Variants in PCDHGB2 observed in about 807,000 individuals in gnomAD.
PCDHGB2 encodes the protein protocadherin gamma subfamily B, 2.
Under a neutral mutation model 59.3 loss-of-function variants are expected in PCDHGB2, and 55 were observed. The ratio of observed to expected loss-of-function variants is 0.93; its 90% CI spans 0.75 to 1.16. The LOEUF is 1.16. Ranked by LOEUF, PCDHGB2 falls within the 50% of genes most tolerant of loss-of-function variation. PCDHGB2 has a pLI of 0.00. For synonymous variants in PCDHGB2, 516 were observed against 512.0 expected (o/e 1.01, Z -0.11); for missense variants, 1,228 against 1,198.5 (o/e 1.02, Z -0.36).
chr5:141,409,171 C>G, intron 1 of PCDHGB2: 1 of 1,613,962 alleles, frequency 6.2e-7, no homozygotes, highest in South Asian at 1.1e-5. Flanking sequence ...AAGCGAAGGA[C>G]GGAGGTGGTC....
intron 1 of PCDHGB2, chr5:141,427,653 G>A (rs1221862562): frequency 4.1e-6 from 3 of 725,570 alleles, no homozygotes; most frequent in Non-Finnish European, 4.9e-6. Flanking sequence ...CTCCTACGTG[G>A]TCCACGTGGC....
chr5:141,360,226 G>C lies in PCDHGB2; in HGVS notation c.91G>C (p.Val31Leu). 6.2e-7 allele frequency: 1 copy of C among 1,613,764 alleles called. No individual in the cohort carries two copies. Among genetic ancestry groups the C allele is most frequent in the Non-Finnish European group, 8.5e-7 (1 of 1,179,778 alleles). The change falls in exon 1 of 4, where the codon GTC (valine) becomes CTC (leucine). Residue 31 changes from valine to leucine, a missense_variant. Physicochemically the swap from Val to Leu is conservative, Grantham distance 32. Around this residue, in one of 3 missense-constraint regions of PCDHGB2, gnomAD observed 781 missense variants for 721.6 expected, o/e 1.08. Coordinates refer to ENST00000522605, the MANE Select transcript of PCDHGB2 (RefSeq NM_018923.3). ...GTCTTTGTTCCCCGGGGCTCTCCCA[G>C]TCCAGATCCGCTATTCAATTCCAGA... ...LLSLFPGALP[V>L]QIRYSIPEEL...
intron 1 of PCDHGB2, chr5:141,423,848 G>A: frequency 1.6e-6 from 2 of 1,277,462 alleles, no homozygotes; most frequent in Non-Finnish European, 2.0e-6. Flanking sequence ...TAATCTTTCA[G>A]AACGTTTTTG....
At position 141,362,384 on chromosome 5, in the gene PCDHGB2, A is replaced by G. The variant is rs1333592752; in HGVS notation, c.2249A>G (p.Tyr750Cys). The G allele has an allele frequency of 1.9e-6, 3 of 1,614,042 alleles. No homozygotes were observed. The highest frequency in any genetic ancestry group is 2.5e-6 in the Non-Finnish European group (3 of 1,179,894). The change falls in exon 1 of 4, where the codon TAT (tyrosine) becomes TGT (cysteine). Residue 750 changes from tyrosine to cysteine, a missense_variant. Coordinates refer to ENST00000522605, the MANE Select transcript of PCDHGB2 (RefSeq NM_018923.3). Reference protein sequence around the residue: ...LPNYSEGTLPYSYNLCVASQS... With the variant: ...LPNYSEGTLPCSYNLCVASQS... ...AATTACAGTGAGGGTACATTGCCCTATTCCTACAACCTGTGTGTTGCCTCA... is the reference window on the plus strand; with the variant it reads ...AATTACAGTGAGGGTACATTGCCCTGTTCCTACAACCTGTGTGTTGCCTCA...
Position 141,375,571 on chromosome 5 carries a change from C to T in PCDHGB2, c.2421+13015C>T, listed in dbSNP as rs760580799. On this transcript the variant is annotated intron_variant, in intron 1 of 3. Coordinates refer to ENST00000522605, the MANE Select transcript of PCDHGB2 (RefSeq NM_018923.3). Reference sequence around the variant, plus strand: ...CCTACTCACTGGCAGAAGACACCCTCCAGGGGGCGCCCCTGTCCTCCTACG... The same window carrying T: ...CCTACTCACTGGCAGAAGACACCCTTCAGGGGGCGCCCCTGTCCTCCTACG... 15 of 1,613,962 alleles carry T rather than the reference C, an allele frequency of 9.3e-6. No individual in the cohort carries two copies. In the Admixed American group the frequency reaches 2.3e-4, roughly 25 times the overall value.
chr5:141,458,366 GGAGAA>G (rs1437271099), intron 1 of PCDHGB2, among the ~76,000 whole-genome samples: 1 of 152,090 alleles, frequency 6.6e-6, no homozygotes, highest in African/African-American at 2.4e-5. Flanking sequence ...AAGAAGGAAG[GGAGAA>G]GAGAGAAGGA....
intron 2 of PCDHGB2, among the ~76,000 whole-genome samples, chr5:141,499,265 C>T (rs1220250999): frequency 6.6e-6 from 1 of 152,128 alleles, no homozygotes; most frequent in African/African-American, 2.4e-5. Context: ...CATTTGGTCC[C>T]TAGACTGTTC....
In PCDHGB2 at chr5:141,434,915, T is replaced by A. The variant is rs1301814716; in HGVS notation, c.2422-59892T>A. Among the ~76,000 whole-genome samples, 3 of 151,830 alleles carry A rather than the reference T, an allele frequency of 2.0e-5. No homozygotes were observed. The East Asian group carries it at 5.8e-4, about 29-fold the overall frequency. ...GTCCCCTTCCCTCATACCTTATTTATGTACATATATTTTATATAATAGATA... is the reference window on the plus strand; with the variant it reads ...GTCCCCTTCCCTCATACCTTATTTAAGTACATATATTTTATATAATAGATA... On this transcript the variant is annotated intron_variant, in intron 1 of 3. Transcript: ENST00000522605.
chr5:141,490,903 C>G lies in PCDHGB2; in HGVS notation c.2422-3904C>G. 6.2e-7 allele frequency: 1 copy of G among 1,613,764 alleles called. No homozygotes were observed. The highest frequency in any genetic ancestry group is 1.7e-5 in the Admixed American group (1 of 60,022). On this transcript the variant is annotated intron_variant, in intron 1 of 3. Coordinates refer to ENST00000522605, the MANE Select transcript of PCDHGB2 (RefSeq NM_018923.3). This position sits in a 1 kb window ranked among gnomAD's most constrained non-coding sequence, Gnocchi z 5.4. ...CAACACATCTCTGCATGTGTTTGTC[C>G]TAGACGAGAATGATAATGCCCCAGC... is the stretch of plus-strand genomic sequence containing the variant.
chr5:141,399,519 G>A (rs1467117930), intron 1 of PCDHGB2: 2 of 1,614,036 alleles, frequency 1.2e-6, no homozygotes, highest in Non-Finnish European at 1.7e-6. Context: ...ACCCTCCTGG[G>A]GCCTCCATCG....
At chr5:141,502,231 G>A (rs2099813372) in intron 2 of PCDHGB2, among the ~76,000 whole-genome samples, 1 of 152,172 alleles carries the variant, frequency 6.6e-6, no homozygotes, top group Non-Finnish European at 1.5e-5. Context: ...TGTTCTGTGT[G>A]TTCTTTTATC....
chr5:141,420,511 A>G (rs958868048), intron 1 of PCDHGB2: 23 of 419,992 alleles, frequency 5.5e-5, no homozygotes, highest in Middle Eastern at 6.5e-4. Context: ...ATTTTTATGA[A>G]GTAAAATACC....
intron 1 of PCDHGB2, chr5:141,365,645 C>T (rs770859603): frequency 2.5e-6 from 4 of 1,613,454 alleles, no homozygotes; most frequent in Non-Finnish European, 3.4e-6. Flanking sequence ...AAGCCACATC[C>T]CCTTGAAAGT....
chr5:141,506,584 G>A (rs1413313164), intron 3 of PCDHGB2, among the ~76,000 whole-genome samples: 1 of 152,098 alleles, frequency 6.6e-6, no homozygotes, highest in African/African-American at 2.4e-5. Context: ...ACTATTAATG[G>A]GCACAGTATT....
intron 1 of PCDHGB2, among the ~76,000 whole-genome samples, chr5:141,380,299 C>T (rs1776363020): frequency 6.6e-6 from 1 of 152,092 alleles, no homozygotes; most frequent in Non-Finnish European, 1.5e-5. Context: ...ATACCTATAT[C>T]TTTGCTTGAG....
intron 1 of PCDHGB2, chr5:141,415,281 C>T (rs1321418691): frequency 6.2e-7 from 1 of 1,614,080 alleles, no homozygotes; most frequent in African/African-American, 1.3e-5. Context: ...TAGCGGTGGC[C>T]GCGGTCTCCT....
At chr5:141,429,599 A>G (rs2097227286) in intron 1 of PCDHGB2, among the ~76,000 whole-genome samples, 1 of 152,238 alleles carries the variant, frequency 6.6e-6, no homozygotes, top group Non-Finnish European at 1.5e-5. Flanking sequence ...TAATTCAAGT[A>G]AACTCAATTT....
chr5:141,384,575 C>A (rs754018989), intron 1 of PCDHGB2: 3 of 1,614,258 alleles, frequency 1.9e-6, no homozygotes, highest in Non-Finnish European at 2.5e-6. Context: ...AATGACAACC[C>A]GCCCGAGATC....
intron 1 of PCDHGB2, among the ~76,000 whole-genome samples, chr5:141,406,261 C>T (rs2154537343): frequency 6.6e-6 from 1 of 152,132 alleles, no homozygotes; most frequent in African/African-American, 2.4e-5. Flanking sequence ...CTCAAACGAT[C>T]TTCCTGCTTC....
Sources: gnomAD v4.1 joint callset for allele counts (sites outside exome capture counted in the v4.1 genomes callset) on GRCh38, gnomAD v4.1.1 for gene constraint, gnomAD v4.1.1 regional missense constraint, Gnocchi (gnomAD v3.1) non-coding constraint, MANE v1.5 for transcripts, NCBI Gene and HGNC (gene_info 2026-07-23, HGNC 2026-07-21) for gene names.